PIGN: variants seen among roughly 807,000 people sequenced by gnomAD.
The protein encoded by PIGN is GPI ethanolamine phosphate transferase 1.
In PIGN, 117 loss-of-function variants were observed where a neutral mutation model predicts 125.4. The ratio of observed to expected loss-of-function variants is 0.93; its 90% confidence interval spans 0.80 to 1.09. The LOEUF (loss-of-function observed/expected upper bound fraction) is 1.09. Ranked by LOEUF, PIGN falls within the 50% of genes least tolerant of loss-of-function variation. The pLI is 0.00. For missense variants in PIGN, 1,075 were observed against 1,094.9 expected, an observed-to-expected ratio of 0.98 and a Z score of 0.26; for synonymous variants, 392 against 377.8, an observed-to-expected ratio of 1.04 and a Z score of -0.44.
At chr18:62,033,045 G>A (rs1180608231) in intron 23 of PIGN, among the ~76,000 whole-genome samples, 1 of 152,218 alleles carries the variant, frequency 6.6e-6, no homozygotes, top group Non-Finnish European at 1.5e-5. Flanking sequence ...TGGGGACCAA[G>A]GGAAGCTGGG....
chr18:62,157,925 A>C, intron 4 of PIGN, 117 bp from the exon 5 acceptor site: 1 of 953,574 alleles, frequency 1.0e-6, no homozygotes, highest in Non-Finnish European at 1.5e-6. Flanking sequence ...TTAAGTCAAA[A>C]CTTAAGAAGG....
chr18:62,041,028 A>AT (rs2030354304), downstream of PIGN: 1 of 152,212 alleles, frequency 6.6e-6, no homozygotes, highest in Non-Finnish European at 1.5e-5. Context: ...ATAATTTTAG[A>AT]TTTTAGCCCT....
intron 16 of PIGN, among the ~76,000 whole-genome samples, chr18:62,112,383 A>T (rs996464505): frequency 2.0e-5 from 3 of 152,180 alleles, no homozygotes; most frequent in Non-Finnish European, 4.4e-5. Flanking sequence ...GAACTTGAAC[A>T]TGGTAATAAT....
At chr18:62,095,459 TA>T (rs35318239) in intron 23 of PIGN, among the ~76,000 whole-genome samples, 36,585 of 151,958 alleles carry the variant, frequency 0.24, 4,555 homozygotes, top group Non-Finnish European at 0.27. Flanking sequence ...TATGTAAGAT[TA>T]AAAAAATACT....
intron 5 of PIGN, 72 bp downstream of exon 5, chr18:62,157,615 G>C (rs573792919): frequency 7.4e-7 from 1 of 1,358,456 alleles, no homozygotes; most frequent in South Asian, 1.2e-5. Flanking sequence ...TTTGTGACAT[G>C]ATTAAGTGGT....
chr18:62,167,296 G>A (rs1213567307), intron 1 of PIGN, among the ~76,000 whole-genome samples: 2,148 of 25,356 alleles, frequency 0.085, 57 homozygotes, highest in African/African-American at 0.19. Flanking sequence ...ATGTGTGTGT[G>A]TGTGTGTGTG....
intron 6 of PIGN, among the ~76,000 whole-genome samples, chr18:62,156,059 A>G (rs1469449804): frequency 6.6e-6 from 1 of 152,232 alleles, no homozygotes; most frequent in East Asian, 1.9e-4. Context: ...CTGATAAGTG[A>G]AATGATCAAT....
chr18:62,019,894 T>G (rs543881928), intron 23 of PIGN, among the ~76,000 whole-genome samples: 1 of 152,278 alleles, frequency 6.6e-6, no homozygotes, highest in Non-Finnish European at 1.5e-5. Context: ...CTTTCCAGAC[T>G]GTGGCACAGG....
At chr18:62,096,543 T>TTA (rs2034206870) in intron 22 of PIGN, among the ~76,000 whole-genome samples, 4 of 73,742 alleles carry the variant, frequency 5.4e-5, no homozygotes, top group Non-Finnish European at 9.0e-5. Flanking sequence ...TTTTTTTTTT[T>TTA]ATTATACTCT....
At chr18:62,134,371 A>G (rs62095343) in intron 14 of PIGN, among the ~76,000 whole-genome samples, 25,749 of 152,198 alleles carry the variant, frequency 0.17, 2,933 homozygotes, top group Middle Eastern at 0.29. Flanking sequence ...AGCCTGAGCA[A>G]CAGAACGAGA....
intron 4 of PIGN, among the ~76,000 whole-genome samples, chr18:62,160,099 C>T (rs13381928): frequency 0.54 from 82,071 of 151,852 alleles, 24,240 homozygotes; most frequent in East Asian, 0.78. Flanking sequence ...GGTGACAGAG[C>T]GAGACTCCGT....
At chr18:62,024,432 C>A (rs909896341) in intron 23 of PIGN, among the ~76,000 whole-genome samples, 2 of 152,212 alleles carry the variant, frequency 1.3e-5, no homozygotes, top group African/African-American at 2.4e-5. Context: ...AAACTCCAGA[C>A]CACATCTCAC....
In PIGN at chr18:62,077,234, C is replaced by T. The variant is rs147839955; in HGVS notation, c.2577-2413G>A. On this transcript the variant is annotated intron_variant, in intron 28 of 30. Transcript: ENST00000640252. ...CTCTACTAAAAATAGAAAAATTAGG[C>T]AGGTGTGGTGGCACATGCCTGTAAG... 4.7e-3 allele frequency among the ~76,000 whole-genome samples: 720 copies of T among 152,096 alleles called. 4 individuals are homozygous for T. The highest frequency in any genetic ancestry group is 0.011 in the African/African-American group (439 of 41,496).
At chr18:62,089,059 A>G (rs751708167) in intron 24 of PIGN, among the ~76,000 whole-genome samples, 21 of 152,182 alleles carry the variant, frequency 1.4e-4, no homozygotes, top group Admixed American at 3.3e-4. Flanking sequence ...AATAATATAT[A>G]GAACACAGTT....
chr18:62,071,073 T>G (rs1424058202), intron 30 of PIGN, among the ~76,000 whole-genome samples: 1 of 152,140 alleles, frequency 6.6e-6, no homozygotes, highest in Non-Finnish European at 1.5e-5. Flanking sequence ...CCTCCCAAAG[T>G]GCTAGGATTA....
At chr18:62,157,951 A>T in intron 4 of PIGN, 143 bp from the exon 5 acceptor site, 1 of 720,852 alleles carries the variant, frequency 1.4e-6, no homozygotes. Context: ...AATTTTTCAA[A>T]TTCCAGGTGA....
rs2030105152 is a variant in PIGN, at chr18:62,025,428, G to T, written c.2143-7687C>A. Among the ~76,000 whole-genome samples the T allele has an allele frequency of 4.6e-5, 7 of 152,308 alleles. No individual in the cohort carries two copies. In the South Asian group the frequency reaches 1.2e-3, roughly 27 times the overall value. ...AGGCACAATTAAGGGTATATGTAAA[G>T]ACCAGAAGTGAGAGAGGATACAACT... On this transcript the variant is annotated intron_variant, in intron 23 of 24. Coordinates refer to the PIGN transcript ENST00000639600.
chr18:62,036,230 T>G (rs984820967), downstream of PIGN, among the ~76,000 whole-genome samples: 3 of 152,180 alleles, frequency 2.0e-5, no homozygotes, highest in African/African-American at 7.2e-5. Context: ...TTTTTTCTTT[T>G]TAATTGTTGT....
chr18:62,166,250 T>G (rs985648189), intron 1 of PIGN, among the ~76,000 whole-genome samples: 1 of 152,314 alleles, frequency 6.6e-6, no homozygotes, highest in Non-Finnish European at 1.5e-5. Context: ...GGTATTGCGC[T>G]CTGGTTGGCT....
Sources: gnomAD v4.1 joint callset for allele counts (sites outside exome capture counted in the v4.1 genomes callset) on GRCh38, gnomAD v4.1.1 for gene constraint, MANE v1.5 for transcripts, NCBI Gene and HGNC (gene_info 2026-07-23, HGNC 2026-07-21) for gene names.